Variants in BACH1 observed in about 807,000 individuals in gnomAD.
BACH1 encodes BTB domain and CNC homolog 1.
A neutral mutation model predicts 52.9 loss-of-function variants in BACH1; 35 were observed. The observed-to-expected ratio is 0.66, with a 90% confidence interval of 0.51 to 0.88. BACH1 has a LOEUF of 0.88. BACH1 is among the 40% of genes least tolerant of loss of function. BACH1 has a pLI of 0.00. For synonymous variants in BACH1, 321 were observed against 319.6 expected (o/e 1.00, Z -0.05); for missense variants, 808 against 872.6 (o/e 0.93, Z 0.93).
chr21:29,324,039 G>A (rs2088879469), intron 2 of BACH1, among the ~76,000 whole-genome samples: 1 of 152,038 alleles, frequency 6.6e-6, no homozygotes, highest in Non-Finnish European at 1.5e-5. Context: ...ATCACCTGAG[G>A]TCAGGAGTTC....
intron 2 of BACH1, among the ~76,000 whole-genome samples, chr21:29,359,650 C>G (rs1162717166): frequency 6.6e-6 from 1 of 151,920 alleles, no homozygotes; most frequent in Non-Finnish European, 1.5e-5. Flanking sequence ...AAGCTGGGAA[C>G]TGCATCAGAC....
intron 1 of BACH1, among the ~76,000 whole-genome samples, chr21:29,303,837 A>T (rs1407235566): frequency 1.8e-4 from 28 of 152,222 alleles, no homozygotes; most frequent in Admixed American, 1.8e-3. Flanking sequence ...TATTCATAGG[A>T]TAATAAAAAA....
chr21:29,353,466 C>T (rs1047242116), intron 2 of BACH1, among the ~76,000 whole-genome samples: 2 of 152,144 alleles, frequency 1.3e-5, no homozygotes, highest in African/African-American at 4.8e-5. Context: ...TTTCTTAGTA[C>T]CTTTTTGTCA....
At chr21:29,348,582 A>G (rs567585287), downstream of BACH1, among the ~76,000 whole-genome samples, 75 of 152,338 alleles carry the variant, frequency 4.9e-4, no homozygotes, top group African/African-American at 1.7e-3. Context: ...TTTTGGCCGT[A>G]TACACTGATC....
intron 1 of BACH1, among the ~76,000 whole-genome samples, chr21:29,301,548 G>A (rs1380294330): frequency 6.6e-6 from 1 of 152,042 alleles, no homozygotes; most frequent in Non-Finnish European, 1.5e-5. Flanking sequence ...TAAATTTCTT[G>A]TTACATTGTT....
rs1245856859 is a variant in BACH1 at position 29,344,848 on chromosome 21, A to ATAC, written c.*2015_*2016insTAC. 3.3e-5 allele frequency: 5 copies of ATAC among 152,594 alleles called. No homozygotes were observed. Among genetic ancestry groups the ATAC allele is most frequent in the African/African-American group, 1.2e-4 (5 of 41,436 alleles). 9.5% of individuals were successfully genotyped at this position (152,594 alleles called of 1,614,324 possible). A position where few individuals can be genotyped will look rare whatever the true frequency, so the allele number is the denominator to read the frequency against. On this transcript the variant is annotated 3_prime_UTR_variant, in exon 5 of 5. Transcript: ENST00000286800. ...TGTACACCCAACTATTGGTTGTATC[A>ATAC]GTTTGTGTATGTGCAAATGTCAAAT... is the stretch of plus-strand genomic sequence containing the variant.
chr21:29,350,633 G>T, downstream of BACH1, among the ~76,000 whole-genome samples: 1 of 152,320 alleles, frequency 6.6e-6, no homozygotes, highest in African/African-American at 2.4e-5. Flanking sequence ...ATTTGGAGAC[G>T]GGCACATCCC....
intron 1 of BACH1, among the ~76,000 whole-genome samples, chr21:29,316,350 A>G (rs1210242825): frequency 6.6e-6 from 1 of 152,220 alleles, no homozygotes; most frequent in Admixed American, 6.5e-5. Flanking sequence ...GAGGTGTAGG[A>G]AGCTTTAAAA....
intron 2 of BACH1, 133 bp downstream of exon 2, chr21:29,321,647 T>A: frequency 1.9e-5 from 8 of 419,942 alleles, no homozygotes; most frequent in Non-Finnish European, 3.0e-5. Flanking sequence ...TGCAACCCCT[T>A]TTTTTTTTTT....
intron 1 of BACH1, among the ~76,000 whole-genome samples, chr21:29,303,234 T>G (rs898760170): frequency 1.3e-5 from 2 of 152,274 alleles, no homozygotes; most frequent in Non-Finnish European, 2.9e-5. Context: ...GAAATGGATA[T>G]GAATACAATG....
At chr21:29,311,839 A>G (rs183776110) in intron 1 of BACH1, among the ~76,000 whole-genome samples, 63 of 152,184 alleles carry the variant, frequency 4.1e-4, no homozygotes, top group African/African-American at 1.4e-3. Flanking sequence ...AGCCTGCTTT[A>G]TTTTGTCAAG....
At chr21:29,337,948 AAAAC>A (rs956456027) in intron 4 of BACH1, among the ~76,000 whole-genome samples, 12 of 152,130 alleles carry the variant, frequency 7.9e-5, no homozygotes, top group African/African-American at 2.4e-4. Flanking sequence ...AACAAAAACA[AAAAC>A]AAAAACAAAA....
At chr21:29,329,428 A>T in intron 3 of BACH1, 59 bp from the exon 4 acceptor site, 1 of 1,340,978 alleles carries the variant, frequency 7.5e-7, no homozygotes, top group Non-Finnish European at 9.9e-7. Context: ...TCATCTTCCT[A>T]GGTTTGACTA....
At chr21:29,340,506 T>A (rs1440256616) in intron 4 of BACH1, among the ~76,000 whole-genome samples, 1 of 152,224 alleles carries the variant, frequency 6.6e-6, no homozygotes, top group Non-Finnish European at 1.5e-5. Context: ...ATATTTGTAA[T>A]CTTCATAGTA....
intron 4 of BACH1, among the ~76,000 whole-genome samples, chr21:29,332,925 G>T (rs1173685064): frequency 1.3e-5 from 2 of 152,194 alleles, no homozygotes; most frequent in Admixed American, 6.5e-5. Context: ...ATAGGCGCCA[G>T]TCTGACTTCT....
In BACH1 at chr21:29,321,464, A is replaced by C; in HGVS notation, c.184A>C (p.Arg62=). ...GGCATGCAGCAGTTACTTCCACTCA[A>C]GAATCGTAGGCCAGGCTGATGGAGA... is the stretch of plus-strand genomic sequence containing the variant. ...LAACSSYFHS[R]IVGQADGELN... is the part of the protein sequence containing the mutation. Residue 62 remains arginine, a synonymous_variant, in exon 2 of 5, where the codon AGA becomes CGA. Coordinates refer to ENST00000286800, the MANE Select transcript of BACH1 (RefSeq NM_001186.4). 6.2e-7 allele frequency: 1 copy of C among 1,614,234 alleles called. No individual in the cohort carries two copies. The highest frequency in any genetic ancestry group is 8.5e-7 in the Non-Finnish European group (1 of 1,180,042).
chr21:29,307,824 G>A (rs2088676577), intron 1 of BACH1, among the ~76,000 whole-genome samples: 1 of 152,022 alleles, frequency 6.6e-6, no homozygotes, highest in Admixed American at 6.5e-5. Context: ...CTTCTCAATC[G>A]CAGGTCTGGG....
chr21:29,361,320 G>C (rs533355257), intron 2 of BACH1: 2 of 152,126 alleles, frequency 1.3e-5, no homozygotes, highest in African/African-American at 2.4e-5. Context: ...TTGGGTTAAG[G>C]CTTGCAGCTG....
At chr21:29,302,601 A>G (rs1486392629) in intron 1 of BACH1, among the ~76,000 whole-genome samples, 1 of 152,214 alleles carries the variant, frequency 6.6e-6, no homozygotes, top group Non-Finnish European at 1.5e-5. Flanking sequence ...TAGAATCTGT[A>G]TCAGAGAGGT....
Sources: gnomAD v4.1 joint callset for allele counts (sites outside exome capture counted in the v4.1 genomes callset) on GRCh38, gnomAD v4.1.1 for gene constraint, MANE v1.5 for transcripts, NCBI Gene and HGNC (gene_info 2026-07-23, HGNC 2026-07-21) for gene names.